The following RAB12 variants were observed in gnomAD, a reference collection of about 807,000 sequenced individuals.
The protein encoded by RAB12 is ras-related protein Rab-12.
RAB12 carries 11 observed loss-of-function variants against 28.4 expected under a neutral mutation model. The observed-to-expected ratio is 0.39, with a 90% CI of 0.24 to 0.64. The LOEUF (loss-of-function observed/expected upper bound fraction) is 0.64. Ranked by LOEUF, RAB12 falls within the 30% of genes least tolerant of loss-of-function variation. The pLI is 0.50. For synonymous variants in RAB12, 138 were observed against 145.3 expected, an observed-to-expected ratio of 0.95 and a Z score of 0.36; for missense variants, 276 against 351.1, an observed-to-expected ratio of 0.79 and a Z score of 1.71.
intron 2 of RAB12, among the ~76,000 whole-genome samples, chr18:8,628,985 T>A (rs1018509430): frequency 6.6e-6 from 1 of 152,190 alleles, no homozygotes; most frequent in African/African-American, 2.4e-5. Context: ...TAAATCTGAT[T>A]GTTATTTAAA....
At chr18:8,611,216 T>G (rs2096003603) in intron 1 of RAB12, among the ~76,000 whole-genome samples, 1 of 152,202 alleles carries the variant, frequency 6.6e-6, no homozygotes, top group Middle Eastern at 3.2e-3. Flanking sequence ...AAATATCCAG[T>G]CTTGGATCAT....
chr18:8,625,078 T>G, intron 2 of RAB12, 80 bp downstream of exon 2: 1 of 878,320 alleles, frequency 1.1e-6, no homozygotes, highest in Non-Finnish European at 1.8e-6. Context: ...ATGAACTGTT[T>G]GAGCTGATTT....
intron 1 of RAB12, among the ~76,000 whole-genome samples, chr18:8,622,611 G>C (rs2096010497): frequency 6.6e-6 from 1 of 152,184 alleles, no homozygotes; most frequent in South Asian, 2.1e-4. Context: ...ACAGGACCAG[G>C]GCGAAATTAA....
At chr18:8,617,504 A>G (rs1392347125) in intron 1 of RAB12, among the ~76,000 whole-genome samples, 1 of 151,490 alleles carries the variant, frequency 6.6e-6, no homozygotes, top group African/African-American at 2.4e-5. Flanking sequence ...TCTTTTGACC[A>G]GGAACTCAAA....
chr18:8,620,627 T>A (rs1305659488), intron 1 of RAB12, among the ~76,000 whole-genome samples: 1 of 152,104 alleles, frequency 6.6e-6, no homozygotes, highest in Non-Finnish European at 1.5e-5. Flanking sequence ...CATTTCTTCT[T>A]ACATATACAG....
At chr18:8,633,401 G>A in intron 3 of RAB12, 74 bp downstream of exon 3, 1 of 1,528,916 alleles carries the variant, frequency 6.5e-7, no homozygotes, top group Non-Finnish European at 9.0e-7. Flanking sequence ...AGAAGGAGGG[G>A]AAACACATGT....
intron 3 of RAB12, 86 bp from the exon 4 acceptor site, chr18:8,635,447 G>A (rs2096018319): frequency 5.9e-6 from 6 of 1,013,694 alleles, no homozygotes; most frequent in Admixed American, 4.8e-5. Flanking sequence ...GTAAATTAGC[G>A]AAAAATACTG....
rs370660534 is a variant in RAB12, at chr18:8,638,766, G to T, written c.*504G>T. 5 of 153,144 alleles carry T rather than the reference G, an allele frequency of 3.3e-5. No homozygotes were observed. The highest frequency in any genetic ancestry group is 1.2e-4 in the African/African-American group (5 of 41,398). 9.5% of individuals were successfully genotyped at this position (153,144 alleles called of 1,614,324 possible). A position where few individuals can be genotyped will look rare whatever the true frequency, so the allele number is the denominator to read the frequency against. ...TGAAGTATTGGAGTGTTTCTGCCAC[G>T]AAGCAAAGCTCCATTCATGGCCGTC... On this transcript the variant is annotated 3_prime_UTR_variant, in exon 6 of 6. Transcript: ENST00000649141.
At chr18:8,616,289 G>A (rs1219083816) in intron 1 of RAB12, among the ~76,000 whole-genome samples, 1 of 148,380 alleles carries the variant, frequency 6.7e-6, no homozygotes, top group Non-Finnish European at 1.5e-5. Flanking sequence ...TCCTCCTTTT[G>A]TCCTTTAATT....
intron 1 of RAB12, among the ~76,000 whole-genome samples, chr18:8,620,667 A>T (rs2096009404): frequency 6.6e-6 from 1 of 152,200 alleles, no homozygotes; most frequent in Non-Finnish European, 1.5e-5. Flanking sequence ...AGCAGTTTCC[A>T]GCCATCAAAT....
intron 5 of RAB12, 131 bp from the exon 6 acceptor site, chr18:8,638,018 C>A: frequency 1.7e-6 from 1 of 604,868 alleles, no homozygotes; most frequent in Non-Finnish European, 2.9e-6. Context: ...GCAGGAGAGG[C>A]AGGTGAAACT....
chr18:8,611,814 C>G (rs751857553), intron 1 of RAB12, among the ~76,000 whole-genome samples: 44 of 152,332 alleles, frequency 2.9e-4, no homozygotes, highest in Non-Finnish European at 4.4e-4. Context: ...CGAGCACATA[C>G]TCCCTACTCT....
rs146855345 is a variant in RAB12 at position 8,616,076 on chromosome 18, A to G, written c.514+6123A>G. Among the ~76,000 whole-genome samples, 1,170 of 152,308 alleles carry G rather than the reference A, an allele frequency of 7.7e-3. 18 individuals are homozygous for G. The highest frequency in any genetic ancestry group is 0.027 in the African/African-American group (1,131 of 41,554). Reference sequence around the variant, plus strand: ...AGCATTAGTTTGAATTTGTAAAGAAAACAGCTTTGTACAGTAGTCATTCTA... The same window carrying G: ...AGCATTAGTTTGAATTTGTAAAGAAGACAGCTTTGTACAGTAGTCATTCTA... On this transcript the variant is annotated intron_variant, in intron 1 of 5. Coordinates refer to ENST00000649141, the MANE Select transcript of RAB12 (RefSeq NM_001025300.3).
chr18:8,633,537 GT>G (rs1255972861), intron 3 of RAB12, among the ~76,000 whole-genome samples: 1 of 152,134 alleles, frequency 6.6e-6, no homozygotes, highest in Non-Finnish European at 1.5e-5. Flanking sequence ...AGGATTTTTC[GT>G]CTGGTATCCT....
intron 2 of RAB12, among the ~76,000 whole-genome samples, chr18:8,625,316 A>G (rs551261379): frequency 7.2e-5 from 11 of 152,324 alleles, no homozygotes; most frequent in African/African-American, 2.6e-4. Context: ...TGATTGCTCA[A>G]ATGTTTGTCT....
intron 2 of RAB12, among the ~76,000 whole-genome samples, chr18:8,628,637 T>G (rs1435962399): frequency 3.9e-5 from 6 of 152,222 alleles, no homozygotes; most frequent in Non-Finnish European, 8.8e-5. Flanking sequence ...GAGGTTTCTA[T>G]CCTCTTTCTT....
rs1241153612 is a variant in RAB12 at position 8,609,748 on chromosome 18, G to A, written c.309G>A (p.Leu103=). ...PHACMDPGAA[L]QRRAGGGGGL... ...CGTGTATGGATCCGGGCGCCGCGCT[G>A]CAGAGGCGGGCCGGGGGCGGCGGCG... The change falls in exon 1 of 6, where the codon CTG becomes CTA. Residue 103 remains leucine (L), a synonymous_variant. Coordinates refer to ENST00000649141, the MANE Select transcript of RAB12 (RefSeq NM_001025300.3). 4.1e-6 allele frequency: 5 copies of A among 1,224,834 alleles called. No homozygotes were observed. Among genetic ancestry groups the A allele is most frequent in the Admixed American group, 9.1e-5 (2 of 21,950 alleles). 75.9% of individuals were successfully genotyped at this position (1,224,834 alleles called of 1,614,324 possible).
chr18:8,638,925 A>G lies in RAB12; in HGVS notation c.*663A>G, dbSNP rs916346459. 10 of 152,226 alleles carry G rather than the reference A, an allele frequency of 6.6e-5. No individual in the cohort carries two copies. Among genetic ancestry groups the G allele is most frequent in the African/African-American group, 2.4e-4 (10 of 41,472 alleles). The allele number at this position is 152,226 out of a possible 1,614,324, so 9.4% of individuals were successfully genotyped here. ...ATGTACCTTTATGCTTTTAAGAACT[A>G]CAAAGATTCAATAAAGAAAGAAATG... On this transcript the variant is annotated 3_prime_UTR_variant, in exon 6 of 6. Transcript: ENST00000649141.
At chr18:8,632,282 CAAAAAAAAAAA>C (rs397859076) in intron 2 of RAB12, among the ~76,000 whole-genome samples, 1 of 58,838 alleles carries the variant, frequency 1.7e-5, no homozygotes, top group African/African-American at 5.4e-5. Context: ...ACTCTGTCTC[CAAAAAAAAAAA>C]AAAAAAAAAG....
Sources: gnomAD v4.1 joint callset for allele counts (sites outside exome capture counted in the v4.1 genomes callset) on GRCh38, gnomAD v4.1.1 for gene constraint, MANE v1.5 for transcripts, NCBI Gene and HGNC (gene_info 2026-07-23, HGNC 2026-07-21) for gene names.